SIPA1L2: variants seen among roughly 807,000 people sequenced by gnomAD.
The protein encoded by SIPA1L2 is signal-induced proliferation-associated 1-like protein 2.
SIPA1L2 carries 56 observed loss-of-function variants against 163.9 expected under a neutral mutation model. The observed-to-expected ratio is 0.34, with a 90% CI of 0.28 to 0.43. SIPA1L2 has a LOEUF of 0.43. Ranked by LOEUF, SIPA1L2 falls within the 20% of genes least tolerant of loss-of-function variation. The pLI, the probability that SIPA1L2 is intolerant of heterozygous loss-of-function variation, is 1.00. For synonymous variants in SIPA1L2, 877 were observed against 865.7 expected (o/e 1.01, Z -0.23); for missense variants, 1,974 against 2,193.5 (o/e 0.90, Z 2.00).
At chr1:232,420,623 C>T (rs1054588755) in intron 18 of SIPA1L2, among the ~76,000 whole-genome samples, 1 of 152,128 alleles carries the variant, frequency 6.6e-6, no homozygotes, top group African/African-American at 2.4e-5. Flanking sequence ...ATCACGAGAT[C>T]AGGAGATGGA....
chr1:232,622,083 G>A (rs753410006), intron 1 of SIPA1L2, among the ~76,000 whole-genome samples: 44 of 152,258 alleles, frequency 2.9e-4, no homozygotes, highest in Non-Finnish European at 5.1e-4. Context: ...GAGTTACAAC[G>A]ATCCTCAAAT....
intron 11 of SIPA1L2, among the ~76,000 whole-genome samples, chr1:232,444,361 T>C (rs1572906086): frequency 6.6e-6 from 1 of 152,250 alleles, no homozygotes; most frequent in Non-Finnish European, 1.5e-5. Context: ...ATAAGGGAGG[T>C]TCTGCAGATC....
intron 3 of SIPA1L2, among the ~76,000 whole-genome samples, chr1:232,498,358 T>C (rs539689949): frequency 2.6e-5 from 4 of 152,320 alleles, no homozygotes; most frequent in African/African-American, 9.6e-5. Flanking sequence ...AGCAATACAA[T>C]TTCTTGAAGT....
At chr1:232,609,657 T>C (rs10910573) in intron 1 of SIPA1L2, among the ~76,000 whole-genome samples, 31,706 of 151,566 alleles carry the variant, frequency 0.21, 4,232 homozygotes, top group African/African-American at 0.39. Context: ...AGTGAAACCC[T>C]GTCTCTACTA....
At chr1:232,425,254 C>T (rs1405066422) in intron 18 of SIPA1L2, among the ~76,000 whole-genome samples, 2 of 146,318 alleles carry the variant, frequency 1.4e-5, no homozygotes, top group Non-Finnish European at 3.1e-5. Context: ...TTACATCAGT[C>T]TTTTCTTTTT....
At chr1:232,567,278 GC>G (rs1441791778) in intron 2 of SIPA1L2, among the ~76,000 whole-genome samples, 1 of 152,108 alleles carries the variant, frequency 6.6e-6, no homozygotes, top group African/African-American at 2.4e-5. Flanking sequence ...AGCAAATAAA[GC>G]TGCAATAATA....
chr1:232,408,208 C>G (rs1660750075), intron 19 of SIPA1L2, among the ~76,000 whole-genome samples: 1 of 151,818 alleles, frequency 6.6e-6, no homozygotes, highest in Non-Finnish European at 1.5e-5. Context: ...ACTCCGCCAG[C>G]TTTTCAAACT....
At chr1:232,453,030 A>G (rs1663680419) in intron 10 of SIPA1L2, among the ~76,000 whole-genome samples, 1 of 152,232 alleles carries the variant, frequency 6.6e-6, no homozygotes, top group Non-Finnish European at 1.5e-5. Flanking sequence ...AGTTCTAGAT[A>G]ACAGATGTTT....
At chr1:232,480,578 T>C (rs958569732) in intron 6 of SIPA1L2, among the ~76,000 whole-genome samples, 7 of 152,224 alleles carry the variant, frequency 4.6e-5, no homozygotes, top group African/African-American at 1.7e-4. Flanking sequence ...CTGCTGACTA[T>C]AAAATAGTTA....
chr1:232,417,391 T>C (rs765456707), intron 18 of SIPA1L2, among the ~76,000 whole-genome samples: 1 of 152,190 alleles, frequency 6.6e-6, no homozygotes, highest in African/African-American at 2.4e-5. Flanking sequence ...GTCCACATTG[T>C]TTCCACCCTC....
At chr1:232,473,060 G>A (rs1461093773) in intron 7 of SIPA1L2, among the ~76,000 whole-genome samples, 2 of 152,186 alleles carry the variant, frequency 1.3e-5, no homozygotes. Context: ...CAGACCCAAT[G>A]AGCCACCTCA....
chr1:232,503,342 G>GA (rs911840652), intron 3 of SIPA1L2, among the ~76,000 whole-genome samples: 37 of 151,910 alleles, frequency 2.4e-4, no homozygotes, highest in African/African-American at 8.5e-4. Context: ...AGCTCACAGG[G>GA]AAAAAAAATG....
At chr1:232,572,246 A>G (rs1389089815) in intron 2 of SIPA1L2, among the ~76,000 whole-genome samples, 1 of 152,156 alleles carries the variant, frequency 6.6e-6, no homozygotes, top group African/African-American at 2.4e-5. Context: ...TAACAGAAAG[A>G]ACTCATCACT....
At chr1:232,596,215 C>T (rs1661247843) in intron 1 of SIPA1L2, among the ~76,000 whole-genome samples, 1 of 152,200 alleles carries the variant, frequency 6.6e-6, no homozygotes, top group Admixed American at 6.5e-5. Context: ...TCAGGCTTAC[C>T]CTGAATATAC....
intron 19 of SIPA1L2, among the ~76,000 whole-genome samples, chr1:232,409,482 G>A (rs61823568): frequency 0.24 from 36,098 of 152,114 alleles, 4,540 homozygotes; most frequent in Middle Eastern, 0.29. Flanking sequence ...TAGAGGTAGA[G>A]TCTATGTTGC....
intron 2 of SIPA1L2, among the ~76,000 whole-genome samples, chr1:232,521,829 A>T (rs979875137): frequency 6.6e-6 from 1 of 152,110 alleles, no homozygotes; most frequent in East Asian, 1.9e-4. Flanking sequence ...AATTTTATAC[A>T]TTCCCTTGTG....
At chr1:232,554,895 T>C (rs1457448071) in intron 2 of SIPA1L2, among the ~76,000 whole-genome samples, 6 of 152,232 alleles carry the variant, frequency 3.9e-5, no homozygotes, top group African/African-American at 1.4e-4. Context: ...CTGCACATCA[T>C]ACATTTGTGT....
chr1:232,473,308 T>C (rs1424756850), intron 7 of SIPA1L2, among the ~76,000 whole-genome samples: 2 of 152,246 alleles, frequency 1.3e-5, no homozygotes, highest in Admixed American at 6.5e-5. Context: ...CAGCAGTTCA[T>C]ACTCTAGTTT....
At chr1:232,429,473 C>T (rs1390710105) in intron 16 of SIPA1L2, among the ~76,000 whole-genome samples, 1 of 152,160 alleles carries the variant, frequency 6.6e-6, no homozygotes, top group Non-Finnish European at 1.5e-5. Context: ...AAGAAACATA[C>T]ACAAACATGC....
Sources: gnomAD v4.1 joint callset for allele counts (sites outside exome capture counted in the v4.1 genomes callset) on GRCh38, gnomAD v4.1.1 for gene constraint, MANE v1.5 for transcripts, NCBI Gene and HGNC (gene_info 2026-07-23, HGNC 2026-07-21) for gene names.